The following TKTL2 variants were observed in gnomAD, a reference collection of about 807,000 sequenced individuals.
TKTL2 encodes the protein transketolase-like protein 2.
For synonymous variants in TKTL2, 259 were observed against 294.1 expected (o/e 0.88, Z 1.22); for missense variants, 825 against 799.4 (o/e 1.03, Z -0.39).
At position 163,473,166 on chromosome 4, in the gene TKTL2, T is replaced by C. The variant is rs1737201842; in HGVS notation, c.569A>G (p.Gln190Arg). Residue 190 changes from glutamine to arginine, a missense_variant, in exon 1 of 1, where the codon CAA becomes CGA. Transcript: ENST00000280605. ...VAVFDVNRLG[Q>R]SGPAPLEHGA... The stretch of plus-strand genomic sequence containing the variant: ...ATGCTCAAGGGGTGCAGGGCCACTT[T>C]GTCCCAAGCGGTTCACGTCGAAGAC... The C allele has an allele frequency of 1.9e-6, 3 of 1,613,866 alleles. No homozygotes were observed. Among genetic ancestry groups the C allele is most frequent in the South Asian group, 1.1e-5 (1 of 91,082 alleles).
Position 163,472,293 on chromosome 4 carries a change from G to A in TKTL2, c.1442C>T (p.Thr481Ile), listed in dbSNP as rs1190342882. ...MCFIRTSQPE[T>I]AVIYTPQENF... ...TTCTTGTGGGGTATAAATAACTGCA[G>A]TTTCTGGTTGGCTGGTTCGAATGAA... The change falls in exon 1 of 1, where the codon ACT (threonine) becomes ATT (isoleucine). Residue 481 changes from threonine (T) to isoleucine (I), a missense_variant. Coordinates refer to ENST00000280605, the MANE Select transcript of TKTL2 (RefSeq NM_032136.5). 1 of 1,608,830 alleles carries A rather than the reference G, an allele frequency of 6.2e-7. No individual in the cohort carries two copies. The highest frequency in any genetic ancestry group is 2.2e-5 in the East Asian group (1 of 44,848).
At position 163,471,927 on chromosome 4, in the gene TKTL2, C is replaced by T; in HGVS notation, c.1808G>A (p.Ser603Asn). ...GATTCCAAACATATCCAGCAATTCA[C>T]TAGTTTTCCCACGTTGAGGCACTCC... ...VSGVPQRGKT[S>N]ELLDMFGIST... is the part of the protein sequence containing the mutation. The change falls in exon 1 of 1, where the codon AGT becomes AAT. Residue 603 changes from serine to asparagine, a missense_variant. Physicochemically the swap from Ser to Asn is conservative, Grantham distance 46. Coordinates refer to ENST00000280605, the MANE Select transcript of TKTL2 (RefSeq NM_032136.5). 6.2e-7 allele frequency: 1 copy of T among 1,601,116 alleles called. No individual in the cohort carries two copies. The highest frequency in any genetic ancestry group is 8.5e-7 in the Non-Finnish European group (1 of 1,174,006).
rs1401951552 is a variant in TKTL2, at chr4:163,473,643, G to A, written c.92C>T (p.Thr31Met). The A allele has an allele frequency of 6.2e-7, 1 of 1,614,204 alleles. No homozygotes were observed. The highest frequency in any genetic ancestry group is 2.2e-5 in the East Asian group (1 of 44,886). ...NRLRIHSIRA[T>M]CASGSGQLTS... is the part of the protein sequence containing the mutation. Reference sequence around the variant, plus strand: ...GAGCTGGCCAGAACCAGAGGCACACGTGGCCCTGATGGAATGGATCCGCAG... The same window carrying A: ...GAGCTGGCCAGAACCAGAGGCACACATGGCCCTGATGGAATGGATCCGCAG... Residue 31 changes from threonine (T) to methionine (M), a missense_variant, in exon 1 of 1, where the codon ACG becomes ATG. Thr to Met is a moderately conservative substitution (Grantham distance 81). Coordinates refer to ENST00000280605, the MANE Select transcript of TKTL2 (RefSeq NM_032136.5).
Position 163,473,630 on chromosome 4 carries a change from AC to A in TKTL2, c.104del (p.Gly35ValfsTer23). 1 of 1,614,180 alleles carries A rather than the reference AC, an allele frequency of 6.2e-7. No homozygotes were observed. The highest frequency in any genetic ancestry group is 8.5e-7 in the Non-Finnish European group (1 of 1,180,040). Reference protein sequence around the residue: ...IHSIRATCASGSGQLTSCCSA... With the variant: ...IHSIRATCASXSGQLTSCCSA... The stretch of plus-strand genomic sequence containing the variant: ...TGCAGCACGACGTGAGCTGGCCAGA[AC>A]CAGAGGCACACGTGGCCCTGATGGA... On this transcript the variant is annotated frameshift_variant, in exon 1 of 1. Coordinates refer to ENST00000280605, the MANE Select transcript of TKTL2 (RefSeq NM_032136.5). LOFTEE classifies it low-confidence loss of function (END_TRUNC).
Position 163,473,020 on chromosome 4 carries a change from G to A in TKTL2, c.715C>T (p.Pro239Ser), listed in dbSNP as rs751606742. 6 of 1,614,100 alleles carry A rather than the reference G, an allele frequency of 3.7e-6. No homozygotes were observed. Among genetic ancestry groups the A allele is most frequent in the South Asian group, 1.1e-5 (1 of 91,080 alleles). ...AAGGTCTTGGCAACTATAGCAGTAG[G>A]CTTGTTCTTCACTTGACTTGCTTGC... is the stretch of plus-strand genomic sequence containing the variant. Reference protein sequence around the residue: ...FWQASQVKNKPTAIVAKTFKG... With the variant: ...FWQASQVKNKSTAIVAKTFKG... The change falls in exon 1 of 1, where the codon CCT (proline) becomes TCT (serine). Residue 239 changes from proline to serine, a missense_variant. Pro to Ser is a moderately conservative substitution (Grantham distance 74). Transcript: ENST00000280605.
In TKTL2 at chr4:163,473,183, G is replaced by A. The variant is rs774557247; in HGVS notation, c.552C>T (p.Asp184=). 27 of 1,613,562 alleles carry A rather than the reference G, an allele frequency of 1.7e-5. No homozygotes were observed. Among genetic ancestry groups the A allele is most frequent in the Admixed American group, 3.3e-5 (2 of 59,940 alleles). ...GGCCACTTTGTCCCAAGCGGTTCAC[G>A]TCGAAGACCGCCACGAGATTGTCCA... is the stretch of plus-strand genomic sequence containing the variant. The part of the protein sequence containing the change: ...YNLDNLVAVF[D]VNRLGQSGPA... Residue 184 remains aspartate, a synonymous_variant, in exon 1 of 1, where the codon GAC becomes GAT. Transcript: ENST00000280605.
At position 163,472,783 on chromosome 4, in the gene TKTL2, T is replaced by C. The variant is rs1307059900; in HGVS notation, c.952A>G (p.Lys318Glu). 5.7e-6 allele frequency: 9 copies of C among 1,571,146 alleles called. No homozygotes were observed. Among genetic ancestry groups the C allele is most frequent in the Non-Finnish European group, 6.9e-6 (8 of 1,160,144 alleles). Residue 318 changes from lysine (K) to glutamate (E), a missense_variant, in exon 1 of 1, where the codon AAG (lysine) becomes GAG (glutamate). By Grantham distance (56) the Lys-to-Glu change is moderately conservative (BLOSUM62 1). Transcript: ENST00000280605. ...CCATATGTTTTCTGAGTAGCTATCT[T>C]GTCACCAACTTTGTAAGCAGGTGGG... Reference protein sequence around the residue: ...TSPPAYKVGDKIATQKTYGLA... With the variant: ...TSPPAYKVGDEIATQKTYGLA...
rs1737180978 is a variant in TKTL2, at chr4:163,472,305, C to T, written c.1430G>A (p.Ser477Asn). ...NTKGMCFIRTSQPETAVIYTP... is the reference protein window; with the variant it reads ...NTKGMCFIRTNQPETAVIYTP... ...ATAAATAACTGCAGTTTCTGGTTGG[C>T]TGGTTCGAATGAAGCACATTCCCTT... is the stretch of plus-strand genomic sequence containing the variant. Residue 477 changes from serine to asparagine, a missense_variant, in exon 1 of 1, where the codon AGC (serine) becomes AAC (asparagine). By Grantham distance (46) the Ser-to-Asn change is conservative. Transcript: ENST00000280605. The T allele has an allele frequency of 6.2e-7, 1 of 1,606,906 alleles. No individual in the cohort carries two copies. The highest frequency in any genetic ancestry group is 2.2e-5 in the East Asian group (1 of 44,838).
At position 163,472,888 on chromosome 4, in the gene TKTL2, G is replaced by T. The variant is rs1383685294; in HGVS notation, c.847C>A (p.Gln283Lys). 1 of 1,608,966 alleles carries T rather than the reference G, an allele frequency of 6.2e-7. No homozygotes were observed. The highest frequency in any genetic ancestry group is 1.3e-5 in the African/African-American group (1 of 74,766). ...AIVKLIESQIQTNENLIPKSP... is the reference protein window; with the variant it reads ...AIVKLIESQIKTNENLIPKSP... ...TTTGGTATGAGATTCTCATTGGTCT[G>T]TATCTGACTCTCAATTAATTTGACA... Residue 283 changes from glutamine to lysine, a missense_variant, in exon 1 of 1, where the codon CAG (glutamine) becomes AAG (lysine). By Grantham distance (53) the Gln-to-Lys change is moderately conservative (BLOSUM62 1). Coordinates refer to ENST00000280605, the MANE Select transcript of TKTL2 (RefSeq NM_032136.5).
Position 163,472,092 on chromosome 4 carries a change from G to C in TKTL2, c.1643C>G (p.Thr548Ser), listed in dbSNP as rs373937429. Reference protein sequence around the residue: ...PFTIKPLDAATIISSAKATGG... With the variant: ...PFTIKPLDAASIISSAKATGG... Reference sequence around the variant, plus strand: ...TGTGGCTTTTGCACTGGAGATGATGGTGGCGGCATCCAGGGGTTTAATGGT... The same window carrying C: ...TGTGGCTTTTGCACTGGAGATGATGCTGGCGGCATCCAGGGGTTTAATGGT... Residue 548 changes from threonine (T) to serine (S), a missense_variant, in exon 1 of 1, where the codon ACC (threonine) becomes AGC (serine). Physicochemically the swap from Thr to Ser is moderately conservative, Grantham distance 58. Coordinates refer to ENST00000280605, the MANE Select transcript of TKTL2 (RefSeq NM_032136.5). 6.2e-7 allele frequency: 1 copy of C among 1,614,084 alleles called. No homozygotes were observed. The highest frequency in any genetic ancestry group is 8.5e-7 in the Non-Finnish European group (1 of 1,180,044).
At position 163,473,600 on chromosome 4, in the gene TKTL2, T is replaced by G; in HGVS notation, c.135A>C (p.Ala45=). ...GSGQLTSCCS[A]AEVVSVLFFH... ...AGAAGAGGACAGACACGACCTCCGC[T>G]GCACTGCAGCACGACGTGAGCTGGC... The change falls in exon 1 of 1, where the codon GCA becomes GCC. Residue 45 remains alanine, a synonymous_variant. Coordinates refer to ENST00000280605, the MANE Select transcript of TKTL2 (RefSeq NM_032136.5). 6.2e-7 allele frequency: 1 copy of G among 1,614,190 alleles called. No individual in the cohort carries two copies. The highest frequency in any genetic ancestry group is 1.3e-5 in the African/African-American group (1 of 75,048).
At position 163,473,708 on chromosome 4, in the gene TKTL2, G is replaced by C; in HGVS notation, c.27C>G (p.Asp9Glu). Reference protein sequence around the residue: MMANDAKPDVKTVQVLRDT... With the variant: MMANDAKPEVKTVQVLRDT... ...CCCGCAGCACCTGCACGGTCTTCACGTCGGGCTTGGCGTCGTTGGCCATCA... is the reference window on the plus strand; with the variant it reads ...CCCGCAGCACCTGCACGGTCTTCACCTCGGGCTTGGCGTCGTTGGCCATCA... Residue 9 changes from aspartate to glutamate, a missense_variant, in exon 1 of 1, where the codon GAC becomes GAG. Physicochemically the swap from Asp to Glu is conservative, Grantham distance 45 (BLOSUM62 2). Coordinates refer to ENST00000280605, the MANE Select transcript of TKTL2 (RefSeq NM_032136.5). 3 of 1,608,616 alleles carry C rather than the reference G, an allele frequency of 1.9e-6. No individual in the cohort carries two copies. Among genetic ancestry groups the C allele is most frequent in the Non-Finnish European group, 2.5e-6 (3 of 1,176,610 alleles).
Position 163,473,392 on chromosome 4 carries a change from G to C in TKTL2, c.343C>G (p.Arg115Gly). The C allele has an allele frequency of 6.2e-7, 1 of 1,613,706 alleles. No individual in the cohort carries two copies. The highest frequency in any genetic ancestry group is 1.1e-5 in the South Asian group (1 of 90,996). Residue 115 changes from arginine to glycine, a missense_variant, in exon 1 of 1, where the codon CGA (arginine) becomes GGA (glycine). Transcript: ENST00000280605. Reference protein sequence around the residue: ...HSDLERHPTPRLPFVDVATGS... With the variant: ...HSDLERHPTPGLPFVDVATGS... ...GTTGCCACGTCAACAAACGGCAATC[G>C]GGGGGTAGGGTGTCTCTCCAAGTCG...
At position 163,472,312 on chromosome 4, in the gene TKTL2, G is replaced by A. The variant is rs200182075; in HGVS notation, c.1423C>T (p.Arg475Ter). 7.5e-6 allele frequency: 12 copies of A among 1,605,742 alleles called. No homozygotes were observed. Among genetic ancestry groups the A allele is most frequent in the East Asian group, 4.5e-5 (2 of 44,850 alleles). The change falls in exon 1 of 1, where the codon CGA (arginine) becomes TGA (stop). Residue 475 changes from arginine to a stop codon, truncating the protein, a stop_gained. Coordinates refer to ENST00000280605, the MANE Select transcript of TKTL2 (RefSeq NM_032136.5). LOFTEE classifies it low-confidence loss of function (END_TRUNC). ...ACTGCAGTTTCTGGTTGGCTGGTTCGAATGAAGCACATTCCCTTGGTATTG... is the reference window on the plus strand; with the variant it reads ...ACTGCAGTTTCTGGTTGGCTGGTTCAAATGAAGCACATTCCCTTGGTATTG... Reference protein sequence around the residue: ...AANTKGMCFIRTSQPETAVIY... With the variant: ...AANTKGMCFI
chr4:163,473,463 C>A lies in TKTL2; in HGVS notation c.272G>T (p.Gly91Val), dbSNP rs771817618. ...PILYAAWVEV[G>V]DISESDLLNL... ...CAGCAAGTCAGATTCACTGATGTCA[C>A]CCACCTCCACCCAAGCAGCATAGAG... Residue 91 changes from glycine (G) to valine (V), a missense_variant, in exon 1 of 1, where the codon GGT (glycine) becomes GTT (valine). Physicochemically the swap from Gly to Val is moderately radical, Grantham distance 109. Transcript: ENST00000280605. 27 of 1,613,850 alleles carry A rather than the reference C, an allele frequency of 1.7e-5. No individual in the cohort carries two copies. Among genetic ancestry groups the A allele is most frequent in the Non-Finnish European group, 2.3e-5 (27 of 1,180,020 alleles).
rs1480436199 is a variant in TKTL2, at chr4:163,472,581, C to T, written c.1154G>A (p.Arg385Gln). 9 of 1,614,016 alleles carry T rather than the reference C, an allele frequency of 5.6e-6. No homozygotes were observed. Among genetic ancestry groups the T allele is most frequent in the East Asian group, 2.2e-5 (1 of 44,884 alleles). ...SVALGCATRG[R>Q]TIAFAGAFAA... ...AAAAGCACCAGCAAAAGCAATGGTTCGACCACGTGTAGCACAGCCTAGTGC... is the reference window on the plus strand; with the variant it reads ...AAAAGCACCAGCAAAAGCAATGGTTTGACCACGTGTAGCACAGCCTAGTGC... Residue 385 changes from arginine to glutamine, a missense_variant, in exon 1 of 1, where the codon CGA becomes CAA. Coordinates refer to ENST00000280605, the MANE Select transcript of TKTL2 (RefSeq NM_032136.5).
At position 163,471,707 on chromosome 4, in the gene TKTL2, A is replaced by G. The variant is rs1737168362; in HGVS notation, c.*147T>C. On this transcript the variant is annotated 3_prime_UTR_variant, in exon 1 of 1. Coordinates refer to ENST00000280605, the MANE Select transcript of TKTL2 (RefSeq NM_032136.5). ...ATTTCCAAATTAGGAATGAAGAAAG[A>G]TGTTAAATGGCTTTGCTTTAAAAGA... 2 of 521,898 alleles carry G rather than the reference A, an allele frequency of 3.8e-6. No homozygotes were observed. Among genetic ancestry groups the G allele is most frequent in the South Asian group, 7.9e-5 (1 of 12,682 alleles). The allele number at this position is 521,898 out of a possible 1,614,324, so 32.3% of individuals were successfully genotyped here. A position where few individuals can be genotyped will look rare whatever the true frequency, so the allele number is the denominator to read the frequency against.
At position 163,471,755 on chromosome 4, in the gene TKTL2, A is replaced by T; in HGVS notation, c.*99T>A. ...AGAAACAGTACAACTGTATAGGTAT[A>T]AATAATGGTTTTGTGACAATAAACA... On this transcript the variant is annotated 3_prime_UTR_variant, in exon 1 of 1. Transcript: ENST00000280605. The T allele has an allele frequency of 1.0e-6, 1 of 974,872 alleles. No homozygotes were observed. Among genetic ancestry groups the T allele is most frequent in the Non-Finnish European group, 1.5e-6 (1 of 675,966 alleles). The allele number at this position is 974,872 out of a possible 1,614,324, so 60.4% of individuals were successfully genotyped here.
In TKTL2 at chr4:163,472,294, T is replaced by C. The variant is rs1737180709; in HGVS notation, c.1441A>G (p.Thr481Ala). Residue 481 changes from threonine to alanine, a missense_variant, in exon 1 of 1, where the codon ACT becomes GCT. Transcript: ENST00000280605. ...TCTTGTGGGGTATAAATAACTGCAGTTTCTGGTTGGCTGGTTCGAATGAAG... is the reference window on the plus strand; with the variant it reads ...TCTTGTGGGGTATAAATAACTGCAGCTTCTGGTTGGCTGGTTCGAATGAAG... ...MCFIRTSQPE[T>A]AVIYTPQENF... 6.2e-7 allele frequency: 1 copy of C among 1,608,444 alleles called. No homozygotes were observed. Among genetic ancestry groups the C allele is most frequent in the East Asian group, 2.2e-5 (1 of 44,844 alleles).
Sources: gnomAD v4.1 joint callset for allele counts on GRCh38, gnomAD v4.1.1 for gene constraint, MANE v1.5 for transcripts, NCBI Gene and HGNC (gene_info 2026-07-23, HGNC 2026-07-21) for gene names.